Variants in PLCE1 observed in about 807,000 individuals in gnomAD.
The protein encoded by PLCE1 is phospholipase C epsilon 1.
PLCE1 carries 119 observed loss-of-function variants against 242.8 expected under a neutral mutation model. The observed-to-expected ratio is 0.49, with a 90% CI of 0.42 to 0.57. The LOEUF (loss-of-function observed/expected upper bound fraction) is 0.57, where lower values mean the gene tolerates loss of function less well. Ranked by LOEUF, PLCE1 falls within the 20% of genes least tolerant of loss-of-function variation. The pLI, the probability that PLCE1 is intolerant of heterozygous loss-of-function variation, is 0.00. For synonymous variants in PLCE1, 945 were observed against 1,017.4 expected (o/e 0.93, Z 1.35); for missense variants, 2,441 against 2,788.8 (o/e 0.88, Z 2.81).
chr10:94,093,477 A>G (rs894303914), intron 2 of PLCE1, among the ~76,000 whole-genome samples: 1 of 152,236 alleles, frequency 6.6e-6, no homozygotes, highest in African/African-American at 2.4e-5. Context: ...GAAAGTATTC[A>G]TCATACAATG....
chr10:94,246,549 T>C lies in PLCE1; in HGVS notation c.3024T>C (p.Ala1008=), dbSNP rs777835226. ...LFSGLLELTR[A]VRKMRKFPDQ... is the part of the protein sequence containing the mutation. ...GCGGATTATTGGAACTCACTAGAGC[T>C]GTGAGAAAGATGAGGAAATTCCCTG... Residue 1008 remains alanine (A), a synonymous_variant, in exon 8 of 33, where the codon GCT becomes GCC. Coordinates refer to ENST00000371380, the MANE Select transcript of PLCE1 (RefSeq NM_016341.4). The C allele has an allele frequency of 6.2e-7, 1 of 1,613,968 alleles. No individual in the cohort carries two copies. Among genetic ancestry groups the C allele is most frequent in the African/African-American group, 1.3e-5 (1 of 74,926 alleles).
At chr10:94,216,664 T>C (rs2049540148) in intron 4 of PLCE1, among the ~76,000 whole-genome samples, 2 of 152,096 alleles carry the variant, frequency 1.3e-5, no homozygotes, top group African/African-American at 4.8e-5. Flanking sequence ...CATTCTTCTC[T>C]AATTCAGAAG....
intron 2 of PLCE1, among the ~76,000 whole-genome samples, chr10:94,046,877 C>T (rs981591717): frequency 2.6e-5 from 4 of 152,128 alleles, no homozygotes; most frequent in Non-Finnish European, 5.9e-5. Flanking sequence ...GACTTTTATA[C>T]GTTGAATGTT....
intron 11 of PLCE1, among the ~76,000 whole-genome samples, chr10:94,257,040 T>G (rs941561499): frequency 6.6e-6 from 1 of 152,180 alleles, no homozygotes; most frequent in Non-Finnish European, 1.5e-5. Flanking sequence ...TTCCTGCACC[T>G]CTACCCTATG....
intron 16 of PLCE1, among the ~76,000 whole-genome samples, chr10:94,266,966 A>G (rs1197869191): frequency 6.6e-6 from 1 of 152,196 alleles, no homozygotes; most frequent in Non-Finnish European, 1.5e-5. Flanking sequence ...TGAGATGAGG[A>G]AGCCAGAGAG....
chr10:94,127,935 A>G (rs1042645597), intron 2 of PLCE1, among the ~76,000 whole-genome samples: 3 of 150,486 alleles, frequency 2.0e-5, no homozygotes, highest in Non-Finnish European at 4.4e-5. Flanking sequence ...GGGCTTTTCC[A>G]TGATTCCTTC....
chr10:94,049,599 G>GTCTCTCTC lies in PLCE1; in HGVS notation c.1206+17356_1206+17363dup, dbSNP rs547011018. Among the ~76,000 whole-genome samples the GTCTCTCTC allele has an allele frequency of 6.5e-3, 976 of 150,708 alleles. 14 individuals carry two copies. The highest frequency in any genetic ancestry group is 0.023 in the African/African-American group (934 of 40,894). On this transcript the variant is annotated intron_variant, in intron 2 of 32. Coordinates refer to ENST00000371380, the MANE Select transcript of PLCE1 (RefSeq NM_016341.4). Reference sequence around the variant, plus strand: ...ACCCTGTCTGTCTGTCTGTCTGTCTGTCTCTCTCTCTCTCTCATAATTATT... The same window carrying GTCTCTCTC: ...ACCCTGTCTGTCTGTCTGTCTGTCTGTCTCTCTCTCTCTCTCTCTCTCTCATAATTATT...
intron 4 of PLCE1, among the ~76,000 whole-genome samples, chr10:94,173,708 G>A (rs2048049114): frequency 6.6e-6 from 1 of 152,208 alleles, no homozygotes. Context: ...CAGCTGGGTA[G>A]AGGCAGGCTT....
At chr10:94,219,988 G>C (rs2049668743) in intron 4 of PLCE1, among the ~76,000 whole-genome samples, 2 of 151,894 alleles carry the variant, frequency 1.3e-5, no homozygotes, top group African/African-American at 4.8e-5. Context: ...GTCATCAGTG[G>C]AACCATGCCA....
intron 4 of PLCE1, among the ~76,000 whole-genome samples, chr10:94,204,789 AGG>A (rs2049102193): frequency 2.4e-5 from 3 of 123,320 alleles, no homozygotes; most frequent in Non-Finnish European, 3.7e-5. Flanking sequence ...GAAGGAAGGA[AGG>A]AAGGAAGGAA....
At chr10:94,177,002 T>C (rs896574972) in intron 4 of PLCE1, among the ~76,000 whole-genome samples, 1 of 152,142 alleles carries the variant, frequency 6.6e-6, no homozygotes, top group African/African-American at 2.4e-5. Flanking sequence ...GTTTTTGTCA[T>C]GAGCAAGACT....
At chr10:94,128,054 C>T (rs2046486373) in intron 2 of PLCE1, among the ~76,000 whole-genome samples, 1 of 144,890 alleles carries the variant, frequency 6.9e-6, no homozygotes, top group Non-Finnish European at 1.5e-5. Flanking sequence ...GTGGTGCAAT[C>T]TCAGCTTACT....
At chr10:94,324,294 T>C (rs758529617) in intron 30 of PLCE1, 55 bp from the exon 31 acceptor site, 20 of 1,381,288 alleles carry the variant, frequency 1.4e-5, no homozygotes, top group Non-Finnish European at 2.0e-5. Flanking sequence ...ATAGAATGAA[T>C]GCAAATGTTG....
intron 4 of PLCE1, among the ~76,000 whole-genome samples, chr10:94,181,256 G>GGGCC (rs1205781619): frequency 6.6e-6 from 1 of 152,034 alleles, no homozygotes; most frequent in African/African-American, 2.4e-5. Context: ...ATGCAAGGTG[G>GGGCC]GGCCCAGGCA....
intron 1 of PLCE1, among the ~76,000 whole-genome samples, chr10:94,013,903 T>C (rs1191204981): frequency 6.6e-6 from 1 of 152,106 alleles, no homozygotes; most frequent in Non-Finnish European, 1.5e-5. Flanking sequence ...GAGGGCTCTT[T>C]CCCTACCATC....
At chr10:94,138,445 A>G in intron 3 of PLCE1, 2 of 424,588 alleles carry the variant, frequency 4.7e-6, no homozygotes, top group South Asian at 3.9e-5. Flanking sequence ...ACCCACTCTG[A>G]GATGGGATTG....
chr10:94,192,274 A>G (rs10882403), intron 4 of PLCE1, among the ~76,000 whole-genome samples: 37,118 of 152,142 alleles, frequency 0.24, 4,833 homozygotes, highest in African/African-American at 0.32. Flanking sequence ...TTTGGGGTAC[A>G]AATGATCCTG....
intron 2 of PLCE1, among the ~76,000 whole-genome samples, chr10:94,070,461 T>C (rs1364646215): frequency 6.6e-6 from 1 of 152,168 alleles, no homozygotes; most frequent in Non-Finnish European, 1.5e-5. Context: ...GAGGAAGAGA[T>C]GGGCTTCCCT....
intron 3 of PLCE1, among the ~76,000 whole-genome samples, chr10:94,152,271 T>C (rs2047299544): frequency 6.6e-6 from 1 of 152,234 alleles, no homozygotes. Context: ...ATTAACTGCA[T>C]AGTTAAATAT....
Sources: gnomAD v4.1 joint callset for allele counts (sites outside exome capture counted in the v4.1 genomes callset) on GRCh38, gnomAD v4.1.1 for gene constraint, MANE v1.5 for transcripts, NCBI Gene and HGNC (gene_info 2026-07-23, HGNC 2026-07-21) for gene names.